Variants in NINL observed in about 807,000 individuals in gnomAD.
NINL encodes ninein like.
NINL carries 153 observed loss-of-function variants against 160.3 expected under a neutral mutation model. That is an observed-to-expected ratio of 0.95 (90% CI 0.84 to 1.09). The LOEUF is 1.09. NINL is among the 50% of genes least tolerant of loss of function. The pLI is 0.00. For synonymous variants in NINL, 800 were observed against 734.8 expected (o/e 1.09, Z -1.43); for missense variants, 1,829 against 1,764.0 (o/e 1.04, Z -0.66).
intron 1 of NINL, among the ~76,000 whole-genome samples, chr20:25,570,941 GATCC>G (rs2065048608): frequency 6.6e-6 from 1 of 151,654 alleles, no homozygotes; most frequent in Admixed American, 6.6e-5. Flanking sequence ...GGCCTCAAGT[GATCC>G]ATCCATCTCA....
chr20:25,573,232 G>A (rs2065075148), intron 1 of NINL, among the ~76,000 whole-genome samples: 1 of 150,930 alleles, frequency 6.6e-6, no homozygotes, highest in Non-Finnish European at 1.5e-5. Flanking sequence ...GGGAGGCGGA[G>A]GCTGCAGTGA....
At chr20:25,565,249 G>T (rs2064987344) in intron 1 of NINL, among the ~76,000 whole-genome samples, 1 of 151,790 alleles carries the variant, frequency 6.6e-6, no homozygotes, top group South Asian at 2.1e-4. Flanking sequence ...CATAACAAAG[G>T]CCTTCCATCC....
At chr20:25,489,167 C>A in intron 13 of NINL, 77 bp downstream of exon 13, 3 of 1,345,074 alleles carry the variant, frequency 2.2e-6, no homozygotes, top group Non-Finnish European at 2.1e-6. Flanking sequence ...GACACTCCTG[C>A]GTTACTGTGG....
intron 13 of NINL, among the ~76,000 whole-genome samples, chr20:25,487,458 T>A (rs927536976): frequency 6.6e-6 from 1 of 152,192 alleles, no homozygotes; most frequent in African/African-American, 2.4e-5. Context: ...TCTGTTAGAA[T>A]AACAGTCATA....
intron 1 of NINL, among the ~76,000 whole-genome samples, chr20:25,536,187 C>T (rs1348677624): frequency 6.6e-6 from 1 of 152,174 alleles, no homozygotes; most frequent in Non-Finnish European, 1.5e-5. Flanking sequence ...GCTGAATACA[C>T]ACTTCGGCAA....
At chr20:25,514,463 G>A (rs1011462529) in intron 3 of NINL, among the ~76,000 whole-genome samples, 5 of 152,236 alleles carry the variant, frequency 3.3e-5, no homozygotes, top group African/African-American at 1.2e-4. Flanking sequence ...AGCAAAGTGT[G>A]AAAGTTTGGA....
chr20:25,484,349 G>A (rs538753133), intron 13 of NINL, among the ~76,000 whole-genome samples: 18 of 152,266 alleles, frequency 1.2e-4, no homozygotes, highest in Non-Finnish European at 2.1e-4. Context: ...ACCCCTAGGA[G>A]CGAGCAGCAT....
In NINL at chr20:25,476,750, TAGG is replaced by T. The variant is rs1419963082; in HGVS notation, c.2538_2540del (p.Leu847del). The T allele has an allele frequency of 7.5e-6, 12 of 1,608,918 alleles. No homozygotes were observed. The highest frequency in any genetic ancestry group is 2.2e-5 in the East Asian group (1 of 44,848). On this transcript the variant is annotated inframe_deletion, in exon 17 of 24. Coordinates refer to ENST00000278886, the MANE Select transcript of NINL (RefSeq NM_025176.6). The stretch of plus-strand genomic sequence containing the variant: ...GCTCCCCACAGCCCGGACGCAGTGG[TAGG>T]AGGCCACGTGTGCCCTCCTGGCCAC...
In NINL at chr20:25,476,175, A is replaced by G; in HGVS notation, c.3116T>C (p.Leu1039Pro). 1.2e-6 allele frequency: 2 copies of G among 1,614,034 alleles called. No homozygotes were observed. The highest frequency in any genetic ancestry group is 1.7e-6 in the Non-Finnish European group (2 of 1,179,994). The part of the protein sequence containing the change: ...ADPQGSWQEQ[L>P]AAPEEGETKI... ...GGTCTCCCCCTCTTCTGGGGCAGCA[A>G]GCTGCTCCTGCCAGGAACCCTGCGG... The change falls in exon 17 of 24, where the codon CTT (leucine) becomes CCT (proline). Residue 1039 changes from leucine to proline, a missense_variant. By Grantham distance (98) the Leu-to-Pro change is moderately conservative. Coordinates refer to ENST00000278886, the MANE Select transcript of NINL (RefSeq NM_025176.6).
chr20:25,498,075 G>T, intron 9 of NINL, 135 bp downstream of exon 9: 2 of 1,083,774 alleles, frequency 1.8e-6, no homozygotes, highest in Non-Finnish European at 2.7e-6. Flanking sequence ...GACAGACAGT[G>T]TGCAGAGCCC....
chr20:25,561,002 CCT>C (rs1351321378), intron 1 of NINL, among the ~76,000 whole-genome samples: 1 of 150,852 alleles, frequency 6.6e-6, no homozygotes, highest in Non-Finnish European at 1.5e-5. Context: ...TCTCCCTCTC[CCT>C]CTCTTTCCAC....
At chr20:25,556,140 A>G (rs907716424) in intron 1 of NINL, among the ~76,000 whole-genome samples, 8 of 152,156 alleles carry the variant, frequency 5.3e-5, no homozygotes, top group Admixed American at 1.3e-4. Context: ...AAATTAGCCA[A>G]GAGAGGTGGC....
intron 2 of NINL, among the ~76,000 whole-genome samples, chr20:25,524,342 G>A (rs76349002): frequency 0.021 from 3,207 of 152,300 alleles, 102 homozygotes; most frequent in African/African-American, 0.072. Flanking sequence ...GAGCACTAGT[G>A]CAAACAAAGT....
At chr20:25,551,319 T>C (rs1334772750) in intron 1 of NINL, among the ~76,000 whole-genome samples, 11 of 152,078 alleles carry the variant, frequency 7.2e-5, no homozygotes, top group Admixed American at 7.2e-4. Context: ...CTGATCTCTC[T>C]TTCTTTCCCC....
At chr20:25,471,896 A>C (rs961399557) in intron 17 of NINL, among the ~76,000 whole-genome samples, 7 of 152,210 alleles carry the variant, frequency 4.6e-5, no homozygotes, top group African/African-American at 1.7e-4. Context: ...CATAACATAC[A>C]TGGAGCAAAG....
At chr20:25,543,844 A>G (rs1281953732) in intron 1 of NINL, among the ~76,000 whole-genome samples, 2 of 152,080 alleles carry the variant, frequency 1.3e-5, no homozygotes, top group Non-Finnish European at 2.9e-5. Flanking sequence ...GAAGTGGCCA[A>G]TGGCAAACCT....
intron 2 of NINL, among the ~76,000 whole-genome samples, chr20:25,519,180 G>C (rs2064218989): frequency 6.6e-6 from 1 of 150,588 alleles, no homozygotes; most frequent in African/African-American, 2.4e-5. Context: ...TCCATTCTTA[G>C]CTTACCAAAG....
chr20:25,469,859 TG>T (rs2063049428), intron 18 of NINL, 131 bp downstream of exon 18: 1 of 661,946 alleles, frequency 1.5e-6, no homozygotes, highest in African/African-American at 1.8e-5. Flanking sequence ...ACAAGGCTCA[TG>T]GTTTAGGGTT....
At chr20:25,573,685 T>C (rs1035296979) in intron 1 of NINL, among the ~76,000 whole-genome samples, 4 of 152,252 alleles carry the variant, frequency 2.6e-5, no homozygotes, top group African/African-American at 4.8e-5. Flanking sequence ...TATTTTGCTA[T>C]TGCAACTACT....
Sources: allele counts gnomAD v4.1 joint callset (sites outside exome capture counted in the v4.1 genomes callset), GRCh38; gene constraint gnomAD v4.1.1; transcripts MANE v1.5; gene names NCBI Gene and HGNC (gene_info 2026-07-23, HGNC 2026-07-21).